ZNG1F: variants seen among roughly 807,000 people sequenced by gnomAD.
ZNG1F encodes the protein Zn regulated GTPase metalloprotein activator 1F.
chr9:41,146,090 T>C, the ZNG1F span: 2 of 145,470 alleles, frequency 1.4e-5, no homozygotes, highest in South Asian at 2.2e-4. Flanking sequence ...GTAGGAACTA[T>C]TGGAGGGAAT....
chr9:41,145,826 A>T, the ZNG1F span: 1 of 102,804 alleles, frequency 9.7e-6, no homozygotes, highest in Middle Eastern at 4.1e-3. Flanking sequence ...ATAAATATAA[A>T]TTTTCTATAT....
At chr9:41,183,670 A>C in the ZNG1F span, 2 of 1,606,342 alleles carry the variant, frequency 1.2e-6, no homozygotes, top group Non-Finnish European at 1.7e-6. Context: ...CCTAGAATAA[A>C]TAACAAACAA....
At chr9:41,186,903 C>CTTATA in the ZNG1F span, among the ~76,000 whole-genome samples, 1 of 109,830 alleles carries the variant, frequency 9.1e-6, no homozygotes, top group Non-Finnish European at 1.9e-5. Context: ...GAGATGAAGG[C>CTTATA]TTATATTTAG....
At chr9:41,147,654 T>A in the ZNG1F span, among the ~76,000 whole-genome samples, 1 of 74,754 alleles carries the variant, frequency 1.3e-5, no homozygotes, top group Non-Finnish European at 2.4e-5. Context: ...GCCTGGGCAA[T>A]AGACCCAGAC....
At chr9:41,184,066 T>C in the ZNG1F span, among the ~76,000 whole-genome samples, 1 of 151,162 alleles carries the variant, frequency 6.6e-6, no homozygotes, top group African/African-American at 2.4e-5. Flanking sequence ...TATCTTTTTC[T>C]TTTCATTCTT....
chr9:41,199,881 C>G, the ZNG1F span, among the ~76,000 whole-genome samples: 1 of 149,454 alleles, frequency 6.7e-6, no homozygotes, highest in African/African-American at 2.5e-5. Flanking sequence ...ACAGACAGAG[C>G]TGTACTTTGG....
At chr9:41,165,009 C>T in the ZNG1F span, 18 of 1,587,576 alleles carry the variant, frequency 1.1e-5, 1 homozygote, top group East Asian at 4.5e-5. Context: ...ACCTAAGTGT[C>T]GTTCTTAATT....
At chr9:41,183,228 T>TA in the ZNG1F span, among the ~76,000 whole-genome samples, 4 of 139,622 alleles carry the variant, frequency 2.9e-5, no homozygotes, top group Non-Finnish European at 6.3e-5. Flanking sequence ...ATTTTTTTTT[T>TA]TATAAGGTTG....
At chr9:41,156,119 C>T in the ZNG1F span, among the ~76,000 whole-genome samples, 1 of 131,762 alleles carries the variant, frequency 7.6e-6, no homozygotes, top group African/African-American at 3.1e-5. Flanking sequence ...GAGTATTAGA[C>T]ATAGTGTTTG....
the ZNG1F span, among the ~76,000 whole-genome samples, chr9:41,196,920 AT>A: frequency 2.7e-5 from 1 of 36,924 alleles, no homozygotes. Context: ...GTAGGTCCAG[AT>A]TTTTTTGGTC....
the ZNG1F span, among the ~76,000 whole-genome samples, chr9:41,154,820 G>C: frequency 6.7e-6 from 1 of 149,990 alleles, no homozygotes; most frequent in East Asian, 2.0e-4. Context: ...GCTGAAACTG[G>C]ATCCCTTCCT....
At chr9:41,160,356 TAAAAC>T in the ZNG1F span, among the ~76,000 whole-genome samples, 1 of 68,746 alleles carries the variant, frequency 1.5e-5, no homozygotes, top group Non-Finnish European at 3.0e-5. Flanking sequence ...AAACAAAAAA[TAAAAC>T]AAAACTTCTA....
the ZNG1F span, among the ~76,000 whole-genome samples, chr9:41,152,403 G>A: frequency 4.0e-4 from 60 of 148,798 alleles, 3 homozygotes; most frequent in African/African-American, 1.4e-3. Flanking sequence ...AATAATAATG[G>A]GAGACTTTAA....
chr9:41,154,742 C>A, the ZNG1F span, among the ~76,000 whole-genome samples: 3 of 150,012 alleles, frequency 2.0e-5, no homozygotes, highest in South Asian at 2.1e-4. Context: ...CTGAGAAAAA[C>A]AAGCAGTGGG....
At chr9:41,169,340 A>T in the ZNG1F span, among the ~76,000 whole-genome samples, 1 of 151,230 alleles carries the variant, frequency 6.6e-6, no homozygotes, top group African/African-American at 2.4e-5. Flanking sequence ...AAATAAAACA[A>T]AATGGAAAGT....
At chr9:41,199,870 A>G in the ZNG1F span, among the ~76,000 whole-genome samples, 3 of 149,564 alleles carry the variant, frequency 2.0e-5, no homozygotes, top group Non-Finnish European at 4.5e-5. Context: ...CCTCTGAAGC[A>G]ACAGACAGAG....
the ZNG1F span, chr9:41,132,316 G>A: frequency 1.2e-6 from 2 of 1,604,754 alleles, no homozygotes; most frequent in East Asian, 2.2e-5. Flanking sequence ...GGACACCCTG[G>A]ACAATCACTT....
At chr9:41,134,247 C>G in the ZNG1F span, among the ~76,000 whole-genome samples, 1 of 141,058 alleles carries the variant, frequency 7.1e-6, no homozygotes, top group Admixed American at 7.5e-5. Flanking sequence ...AACTCAGAAC[C>G]AAAGTAAATT....
the ZNG1F span, chr9:41,132,546 A>G: frequency 7.2e-7 from 1 of 1,391,348 alleles, no homozygotes; most frequent in Non-Finnish European, 9.3e-7. Context: ...TTAATTTTCA[A>G]AAAAGGTTTC....
Sources: allele counts gnomAD v4.1 joint callset (sites outside exome capture counted in the v4.1 genomes callset), GRCh38; gene constraint gnomAD v4.1.1; transcripts MANE v1.5; gene names NCBI Gene and HGNC (gene_info 2026-07-23, HGNC 2026-07-21).